NKD1: variants seen among roughly 807,000 people sequenced by gnomAD.
NKD1 encodes NKD inhibitor of Wnt signaling pathway 1.
Under a neutral mutation model 56.0 loss-of-function variants are expected in NKD1, and 21 were observed. The ratio of observed to expected loss-of-function variants is 0.38; its 90% CI spans 0.27 to 0.54. NKD1 has a LOEUF of 0.54. Among genes scored for constraint, NKD1 ranks in the 20% least tolerant of loss-of-function variants. The pLI is 0.82. For missense variants in NKD1, 578 were observed against 642.7 expected, an observed-to-expected ratio of 0.90 and a Z score of 1.09; for synonymous variants, 263 against 265.7, an observed-to-expected ratio of 0.99 and a Z score of 0.10.
chr16:50,549,365 G>A lies in NKD1; in HGVS notation c.59-57G>A, dbSNP rs1960321877. The A allele has an allele frequency of 2.5e-6, 4 of 1,584,016 alleles. No individual in the cohort carries two copies. In the South Asian group the frequency reaches 4.5e-5, roughly 18 times the overall value. On this transcript the variant is annotated intron_variant, in intron 2 of 9. Coordinates refer to ENST00000268459, the MANE Select transcript of NKD1 (RefSeq NM_033119.5). ...CCGCGCCTCCTTCTTCCCTCCGCGG[G>A]GGTAACTTTTGGCACCTGGAGCCAG...
intron 3 of NKD1, among the ~76,000 whole-genome samples, chr16:50,565,164 A>T (rs1387392747): frequency 6.6e-6 from 1 of 151,190 alleles, no homozygotes; most frequent in Admixed American, 6.6e-5. Context: ...TCACAAGGTC[A>T]GGAGATCGAG....
chr16:50,572,538 G>A (rs1451076728), intron 3 of NKD1, among the ~76,000 whole-genome samples: 1 of 152,136 alleles, frequency 6.6e-6, no homozygotes, highest in Non-Finnish European at 1.5e-5. Context: ...ACGTGGGCCT[G>A]GCTCGATGGC....
chr16:50,600,636 G>C (rs1398267225), intron 3 of NKD1, among the ~76,000 whole-genome samples: 3 of 152,244 alleles, frequency 2.0e-5, no homozygotes, highest in African/African-American at 2.4e-5. Flanking sequence ...CATGGCATGT[G>C]GATGCCTGCG....
intron 4 of NKD1, among the ~76,000 whole-genome samples, chr16:50,621,051 A>T (rs1315000374): frequency 6.6e-6 from 1 of 152,218 alleles, no homozygotes; most frequent in East Asian, 1.9e-4. Flanking sequence ...ATGTGTGTCC[A>T]TGTGCGCTTG....
intron 3 of NKD1, chr16:50,574,855 G>A (rs1173104994): frequency 2.0e-6 from 2 of 985,406 alleles, no homozygotes; most frequent in Non-Finnish European, 2.4e-6. Context: ...GTTTCTATGT[G>A]GGGGCCATGG....
chr16:50,630,686 T>C (rs1962324587), intron 7 of NKD1, 140 bp from the exon 8 acceptor site: 2 of 686,920 alleles, frequency 2.9e-6, no homozygotes, highest in Non-Finnish European at 4.8e-6. Flanking sequence ...GCAGGTAGCC[T>C]TGAGACCCCT....
At chr16:50,609,639 T>C (rs1049951683) in intron 4 of NKD1, among the ~76,000 whole-genome samples, 2 of 152,172 alleles carry the variant, frequency 1.3e-5, no homozygotes, top group African/African-American at 4.8e-5. Flanking sequence ...GAATCTCAGC[T>C]CCAGCCCAGG....
In NKD1 at chr16:50,608,345, G is replaced by A. The variant is rs781091644; in HGVS notation, c.244G>A (p.Asp82Asn). The A allele has an allele frequency of 1.4e-5, 23 of 1,612,748 alleles. No homozygotes were observed. The highest frequency in any genetic ancestry group is 1.3e-4 in the Admixed American group (8 of 60,024). ...CACGCTCAGCGAGGAAGAGGAGGACGACTTTCGGCTGGAAGGTATTCGGAG... is the reference window on the plus strand; with the variant it reads ...CACGCTCAGCGAGGAAGAGGAGGACAACTTTCGGCTGGAAGGTATTCGGAG... ...RDTLSEEEED[D>N]FRLEVALPPE... Residue 82 changes from aspartate to asparagine, a missense_variant, in exon 4 of 10, where the codon GAC becomes AAC. Physicochemically the swap from Asp to Asn is conservative, Grantham distance 23. Coordinates refer to ENST00000268459, the MANE Select transcript of NKD1 (RefSeq NM_033119.5).
intron 3 of NKD1, among the ~76,000 whole-genome samples, chr16:50,559,650 G>C (rs940010735): frequency 1.3e-5 from 2 of 152,056 alleles, no homozygotes; most frequent in Non-Finnish European, 2.9e-5. Flanking sequence ...TTGTCTCCTT[G>C]CCGCAAGTCT....
At chr16:50,567,960 C>T (rs769348801) in intron 3 of NKD1, among the ~76,000 whole-genome samples, 1 of 152,232 alleles carries the variant, frequency 6.6e-6, no homozygotes, top group Non-Finnish European at 1.5e-5. Context: ...GATAGAGTTA[C>T]CAAGTTTTAC....
intron 3 of NKD1, chr16:50,574,346 G>C: frequency 1.0e-6 from 1 of 985,412 alleles, no homozygotes; most frequent in South Asian, 4.7e-5. Flanking sequence ...TCCTGGGAGG[G>C]CCTGTTTAGT....
At chr16:50,589,874 G>A (rs528481882) in intron 3 of NKD1, among the ~76,000 whole-genome samples, 1 of 143,368 alleles carries the variant, frequency 7.0e-6, no homozygotes, top group Admixed American at 7.3e-5. Context: ...TTGAGACAGG[G>A]TCTTGCTCTG....
At chr16:50,575,173 C>G (rs1960966979) in intron 3 of NKD1, 1 of 985,060 alleles carries the variant, frequency 1.0e-6, no homozygotes, top group Non-Finnish European at 1.2e-6. Context: ...CCTAGTAACC[C>G]AGATTTTCGC....
chr16:50,567,436 G>C (rs1960786111), intron 3 of NKD1, among the ~76,000 whole-genome samples: 1 of 152,216 alleles, frequency 6.6e-6, no homozygotes, highest in Admixed American at 6.5e-5. Flanking sequence ...TTGCTCAGGA[G>C]TTCCCCTGAG....
At position 50,645,267 on chromosome 16, in the gene NKD1, C is replaced by T. The variant is rs1962656212; in HGVS notation, c.*11486C>T. 1 of 152,042 alleles carries T rather than the reference C, an allele frequency of 6.6e-6. No individual in the cohort carries two copies. The highest frequency in any genetic ancestry group is 1.5e-5 in the Non-Finnish European group (1 of 68,054). 9.4% of individuals were successfully genotyped at this position (152,042 alleles called of 1,614,324 possible). On this transcript the variant is annotated 3_prime_UTR_variant, in exon 10 of 10. Transcript: ENST00000268459. ...ACATTTTTATCCACTGCGATAACTT[C>T]TGGGGAGACATGGGAGGGAATAACA...
At chr16:50,629,729 A>T (rs1962301481) in intron 6 of NKD1, among the ~76,000 whole-genome samples, 1 of 152,102 alleles carries the variant, frequency 6.6e-6, no homozygotes, top group Admixed American at 6.5e-5. Flanking sequence ...ACACCCCTGC[A>T]CTCCAGCCTG....
At chr16:50,620,965 TGTGCATGTG>T (rs1484611721) in intron 4 of NKD1, among the ~76,000 whole-genome samples, 5 of 152,274 alleles carry the variant, frequency 3.3e-5, no homozygotes, top group African/African-American at 1.2e-4. Context: ...TGTGAGTGTG[TGTGCATGTG>T]TGAGTGTGCA....
intron 4 of NKD1, among the ~76,000 whole-genome samples, chr16:50,620,889 G>A (rs1567351511): frequency 6.6e-6 from 1 of 152,186 alleles, no homozygotes; most frequent in Non-Finnish European, 1.5e-5. Context: ...GGAGGACCTG[G>A]GGTGAGCAGA....
intron 3 of NKD1, among the ~76,000 whole-genome samples, chr16:50,589,320 G>A (rs1040676609): frequency 1.3e-5 from 2 of 152,206 alleles, no homozygotes; most frequent in Admixed American, 1.3e-4. Context: ...TCCCTCAGAC[G>A]CAAGCACCAG....
Sources: allele counts gnomAD v4.1 joint callset (sites outside exome capture counted in the v4.1 genomes callset), GRCh38; gene constraint gnomAD v4.1.1; transcripts MANE v1.5; gene names NCBI Gene and HGNC (gene_info 2026-07-23, HGNC 2026-07-21).